MYRFL: variants seen among roughly 807,000 people sequenced by gnomAD.
The protein encoded by MYRFL is myelin regulatory factor-like protein.
A neutral mutation model predicts 109.4 loss-of-function variants in MYRFL; 88 were observed. The ratio of observed to expected loss-of-function variants is 0.80; its 90% CI spans 0.68 to 0.96. MYRFL has a LOEUF of 0.96. Ranked by LOEUF, MYRFL falls within the 40% of genes least tolerant of loss-of-function variation. The probability of loss-of-function intolerance (pLI) is 0.00; values close to 1 mark genes in which losing one functional copy is unlikely to be tolerated. For synonymous variants in MYRFL, 324 were observed against 320.9 expected (o/e 1.01, Z -0.10); for missense variants, 957 against 954.9 (o/e 1.00, Z -0.03).
At chr12:69,916,503 T>A (rs1417811881) in intron 13 of MYRFL, among the ~76,000 whole-genome samples, 1 of 152,202 alleles carries the variant, frequency 6.6e-6, no homozygotes, top group Non-Finnish European at 1.5e-5. Context: ...TGGCAATATC[T>A]TTGTATATCA....
chr12:69,874,430 G>T (rs564180590), intron 2 of MYRFL, among the ~76,000 whole-genome samples: 1 of 152,060 alleles, frequency 6.6e-6, no homozygotes, highest in South Asian at 2.1e-4. Context: ...CTTCTCCTTC[G>T]GCCTCCCAAA....
chr12:69,955,846 G>GAA lies in MYRFL; in HGVS notation c.2450+423_2450+424dup, dbSNP rs747692000. On this transcript the variant is annotated intron_variant, in intron 22 of 24. Coordinates refer to ENST00000552032, the MANE Select transcript of MYRFL (RefSeq NM_182530.3). Reference sequence around the variant, plus strand: ...CACCACTCCTATTTTCCAAAAGACAGAAAAAAAAAAAAAAAGGAACCAGAG... The same window carrying GAA: ...CACCACTCCTATTTTCCAAAAGACAGAAAAAAAAAAAAAAAAAGGAACCAGAG... Among the ~76,000 whole-genome samples, 180 of 98,014 alleles carry GAA rather than the reference G, an allele frequency of 1.8e-3. No individual in the cohort carries two copies. The Middle Eastern group carries it at 0.021, about 12-fold the overall frequency. The allele number at this position is 98,014 out of a possible 152,430, so 64.3% of individuals were successfully genotyped here.
At chr12:69,856,363 T>G (rs566070563) in intron 2 of MYRFL, among the ~76,000 whole-genome samples, 3 of 152,278 alleles carry the variant, frequency 2.0e-5, no homozygotes, top group African/African-American at 4.8e-5. Context: ...CTTCTATAAA[T>G]ATTTATGTAT....
intron 2 of MYRFL, among the ~76,000 whole-genome samples, chr12:69,863,634 A>G (rs997652682): frequency 6.6e-5 from 10 of 152,208 alleles, no homozygotes; most frequent in South Asian, 4.1e-4. Context: ...TTAAAACTCT[A>G]TGAGACAATG....
intron 9 of MYRFL, among the ~76,000 whole-genome samples, chr12:69,896,011 T>C (rs1953980899): frequency 6.6e-6 from 1 of 152,226 alleles, no homozygotes; most frequent in Non-Finnish European, 1.5e-5. Context: ...GGGATGGGGC[T>C]TAGCAATTTG....
rs537369029 is a variant in MYRFL at position 69,909,033 on chromosome 12, T to G, written c.1384-936T>G. The stretch of plus-strand genomic sequence containing the variant: ...TGCAGTATTTGGTGTTCTGTTCCTG[T>G]GTTGGTTTGCTAAGGATAATGGGCT... On this transcript the variant is annotated intron_variant, in intron 11 of 24. Transcript: ENST00000552032. Among the ~76,000 whole-genome samples, 22 of 152,296 alleles carry G rather than the reference T, an allele frequency of 1.4e-4. No homozygotes were observed. The East Asian group carries it at 3.9e-3, about 27-fold the overall frequency.
intron 19 of MYRFL, among the ~76,000 whole-genome samples, chr12:69,940,475 T>G (rs1320206841): frequency 2.0e-5 from 3 of 149,562 alleles, no homozygotes; most frequent in Non-Finnish European, 4.5e-5. Flanking sequence ...GAAGGAGAAA[T>G]AAAATACTTT....
intron 2 of MYRFL, among the ~76,000 whole-genome samples, chr12:69,860,584 T>G (rs996055403): frequency 6.6e-6 from 1 of 151,790 alleles, no homozygotes; most frequent in African/African-American, 2.4e-5. Flanking sequence ...TGGATTTGAG[T>G]CTATCTTTTT....
chr12:69,857,575 A>T (rs1277508149), intron 2 of MYRFL, among the ~76,000 whole-genome samples: 1 of 151,788 alleles, frequency 6.6e-6, no homozygotes, highest in Admixed American at 6.6e-5. Flanking sequence ...TCAGTGTTTT[A>T]TAGTTTTCAA....
chr12:69,923,652 T>C (rs983754632), intron 13 of MYRFL, among the ~76,000 whole-genome samples: 2 of 152,106 alleles, frequency 1.3e-5, no homozygotes, highest in African/African-American at 4.8e-5. Context: ...AGTATGATTA[T>C]TGAAAAGCTT....
intron 2 of MYRFL, among the ~76,000 whole-genome samples, chr12:69,857,994 CT>C (rs950821440): frequency 2.9e-4 from 44 of 150,768 alleles, no homozygotes; most frequent in Admixed American, 4.6e-4. Context: ...GTTAGTGATA[CT>C]TTTTTTTTAA....
intron 19 of MYRFL, among the ~76,000 whole-genome samples, chr12:69,938,291 C>A (rs1955531494): frequency 6.6e-6 from 1 of 152,192 alleles, no homozygotes; most frequent in Non-Finnish European, 1.5e-5. Flanking sequence ...GCTGGAGACA[C>A]TTGATGTTCT....
chr12:69,872,467 G>A (rs1004386113), intron 2 of MYRFL, among the ~76,000 whole-genome samples: 3 of 151,966 alleles, frequency 2.0e-5, no homozygotes, highest in African/African-American at 7.3e-5. Flanking sequence ...GGGACTATAG[G>A]TGTGCACAAC....
rs755163647 is a variant in MYRFL at position 69,851,271 on chromosome 12, A to G, written c.47-4009A>G. 7.3e-4 allele frequency among the ~76,000 whole-genome samples: 111 copies of G among 151,832 alleles called. No homozygotes were observed. The Middle Eastern group carries it at 0.014, about 19-fold the overall frequency. On this transcript the variant is annotated intron_variant, in intron 1 of 24. Coordinates refer to ENST00000552032, the MANE Select transcript of MYRFL (RefSeq NM_182530.3). ...GCTTATTACCTGGATGATGGGATCTATACTTTAAATCTCAGCATCATGCAA... is the reference window on the plus strand; with the variant it reads ...GCTTATTACCTGGATGATGGGATCTGTACTTTAAATCTCAGCATCATGCAA...
In MYRFL at chr12:69,936,086, T is replaced by G. The variant is rs1004079404; in HGVS notation, c.1917-27T>G. 2.1e-4 allele frequency: 272 copies of G among 1,315,012 alleles called. No individual in the cohort carries two copies. In the African/African-American group the frequency reaches 3.7e-3, roughly 18 times the overall value. 81.5% of individuals were successfully genotyped at this position (1,315,012 alleles called of 1,614,324 possible). On this transcript the variant is annotated intron_variant, in intron 16 of 24. Coordinates refer to ENST00000552032, the MANE Select transcript of MYRFL (RefSeq NM_182530.3). ...CAAATCTGCCACATAATGTTTTTTTTTTTTTTTTTTTTTTTTTTTTTGACA... is the reference window on the plus strand; with the variant it reads ...CAAATCTGCCACATAATGTTTTTTTGTTTTTTTTTTTTTTTTTTTTTGACA...
chr12:69,957,284 C>T (rs1956118541), intron 22 of MYRFL, among the ~76,000 whole-genome samples: 1 of 152,132 alleles, frequency 6.6e-6, no homozygotes, highest in African/African-American at 2.4e-5. Context: ...TCTGCCTAGA[C>T]CCGGAATTTG....
intron 11 of MYRFL, among the ~76,000 whole-genome samples, chr12:69,909,250 C>A (rs1024820703): frequency 2.6e-5 from 4 of 152,202 alleles, no homozygotes; most frequent in Non-Finnish European, 5.9e-5. Context: ...CCATCTTTCA[C>A]AACCAGTCCA....
rs763356595 is a variant in MYRFL, at chr12:69,886,844, A to G, written c.581A>G (p.Glu194Gly). The G allele has an allele frequency of 1.2e-5, 18 of 1,535,916 alleles. No homozygotes were observed. The South Asian group carries it at 2.1e-4, about 18-fold the overall frequency. The part of the protein sequence containing the change: ...RPMTSRSRSS[E>G]VQDPDSEGQN... ...GTGACAAGTAGGAGTCGCAGCAGTG[A>G]AGTCCAGGACCCTGACAGTGAGGGA... Residue 194 changes from glutamate (E) to glycine (G), a missense_variant, in exon 6 of 25, where the codon GAA becomes GGA. By Grantham distance (98) the Glu-to-Gly change is moderately conservative. Coordinates refer to ENST00000552032, the MANE Select transcript of MYRFL (RefSeq NM_182530.3).
At chr12:69,869,874 G>A (rs1885237715) in intron 2 of MYRFL, among the ~76,000 whole-genome samples, 3 of 152,146 alleles carry the variant, frequency 2.0e-5, no homozygotes, top group South Asian at 4.1e-4. Flanking sequence ...TGGCTGCATT[G>A]AGGGCAGCAT....
Sources: allele counts gnomAD v4.1 joint callset (sites outside exome capture counted in the v4.1 genomes callset), GRCh38; gene constraint gnomAD v4.1.1; transcripts MANE v1.5; gene names NCBI Gene and HGNC (gene_info 2026-07-23, HGNC 2026-07-21).